CHRM3: variants seen among roughly 807,000 people sequenced by gnomAD.
The protein encoded by CHRM3 is cholinergic receptor muscarinic 3, also known as muscarinic acetylcholine receptor M3.
A neutral mutation model predicts 41.8 loss-of-function variants in CHRM3; 11 were observed. The ratio of observed to expected loss-of-function variants is 0.26; its 90% confidence interval spans 0.17 to 0.44. CHRM3 has a LOEUF of 0.44. Ranked by LOEUF, CHRM3 falls within the 20% of genes least tolerant of loss-of-function variation. CHRM3 has a pLI of 1.00. For synonymous variants in CHRM3, 297 were observed against 301.4 expected, an observed-to-expected ratio of 0.99 and a Z score of 0.15; for missense variants, 571 against 745.4, an observed-to-expected ratio of 0.77 and a Z score of 2.72.
At chr1:239,638,466 G>T (rs1181476947) in intron 4 of CHRM3, among the ~76,000 whole-genome samples, 3 of 152,150 alleles carry the variant, frequency 2.0e-5, no homozygotes, top group African/African-American at 4.8e-5. Flanking sequence ...TAACTGGTGT[G>T]AGATGTTATC....
chr1:239,779,874 T>A (rs1447448021), intron 5 of CHRM3, among the ~76,000 whole-genome samples: 2 of 152,232 alleles, frequency 1.3e-5, no homozygotes, highest in Non-Finnish European at 2.9e-5. Flanking sequence ...GTCATATACT[T>A]GTAATCATGT....
At chr1:239,489,556 G>A (rs1421418958) in intron 1 of CHRM3, among the ~76,000 whole-genome samples, 1 of 152,158 alleles carries the variant, frequency 6.6e-6, no homozygotes, top group Non-Finnish European at 1.5e-5. Flanking sequence ...GCATGAGTTA[G>A]GTAGAGGAAC....
At chr1:239,756,066 C>T (rs1051626144) in intron 5 of CHRM3, among the ~76,000 whole-genome samples, 30 of 152,148 alleles carry the variant, frequency 2.0e-4, no homozygotes, top group African/African-American at 7.0e-4. Flanking sequence ...TCTCTAGTTT[C>T]CTAAGCTTCC....
chr1:239,565,847 T>C (rs1661307807), intron 3 of CHRM3, among the ~76,000 whole-genome samples: 1 of 151,830 alleles, frequency 6.6e-6, no homozygotes, highest in Admixed American at 6.6e-5. Context: ...TATATGTTAA[T>C]ATATGTTAAA....
In CHRM3 at chr1:239,706,160, ATATAT is replaced by A. The variant is rs761420940; in HGVS notation, c.-147+27878_-147+27882del. 5.9e-4 allele frequency among the ~76,000 whole-genome samples: 89 copies of A among 149,644 alleles called. No homozygotes were observed. In the East Asian group the frequency reaches 0.013, roughly 22 times the overall value. ...TAAATTATAATAAATACAAACTAAC[ATATAT>A]TATATATAGTGAATATGCAATAAAA... On this transcript the variant is annotated intron_variant, in intron 5 of 6. Coordinates refer to ENST00000676153, the MANE Select transcript of CHRM3 (RefSeq NM_001375978.1).
chr1:239,850,186 A>G (rs1372734593), intron 6 of CHRM3, among the ~76,000 whole-genome samples: 1 of 152,212 alleles, frequency 6.6e-6, no homozygotes, highest in Non-Finnish European at 1.5e-5. Flanking sequence ...TATGTATTAT[A>G]TACTGTATTC....
intron 2 of CHRM3, among the ~76,000 whole-genome samples, chr1:239,497,271 T>A (rs1447401849): frequency 6.6e-6 from 1 of 152,176 alleles, no homozygotes; most frequent in East Asian, 1.9e-4. Flanking sequence ...TCAAGCTTAA[T>A]TGGCTTTGGA....
chr1:239,610,780 G>A (rs527906278), intron 3 of CHRM3, among the ~76,000 whole-genome samples: 5 of 152,262 alleles, frequency 3.3e-5, no homozygotes, highest in East Asian at 1.9e-4. Flanking sequence ...TAGGCCAGGC[G>A]CTGTGGCTCA....
intron 1 of CHRM3, among the ~76,000 whole-genome samples, chr1:239,406,710 C>A (rs895627334): frequency 6.6e-6 from 1 of 152,176 alleles, no homozygotes; most frequent in Admixed American, 6.5e-5. Context: ...CCCACTGACC[C>A]TTTACATTTC....
At chr1:239,524,218 T>G (rs1669845533) in intron 2 of CHRM3, among the ~76,000 whole-genome samples, 1 of 152,154 alleles carries the variant, frequency 6.6e-6, no homozygotes. Flanking sequence ...TTATTTGCCT[T>G]TTTAGTTTTT....
At chr1:239,552,987 C>A (rs111971861) in intron 3 of CHRM3, among the ~76,000 whole-genome samples, 1 of 152,024 alleles carries the variant, frequency 6.6e-6, no homozygotes, top group African/African-American at 2.4e-5. Context: ...GCCACCATAC[C>A]CTCAGCTAGT....
chr1:239,673,979 C>T (rs1453372693), intron 4 of CHRM3, among the ~76,000 whole-genome samples: 2 of 152,114 alleles, frequency 1.3e-5, no homozygotes, highest in South Asian at 2.1e-4. Context: ...ACATGACACT[C>T]GAAGGAAATG....
intron 1 of CHRM3, among the ~76,000 whole-genome samples, chr1:239,476,781 T>C (rs1666499455): frequency 6.6e-6 from 1 of 152,186 alleles, no homozygotes; most frequent in Non-Finnish European, 1.5e-5. Context: ...TCAAATAATA[T>C]GCTCAATGTT....
At chr1:239,565,798 T>C (rs1338914) in intron 3 of CHRM3, among the ~76,000 whole-genome samples, 11,662 of 152,086 alleles carry the variant, frequency 0.077, 744 homozygotes, top group African/African-American at 0.17. Flanking sequence ...ACACCTCTGA[T>C]CTGGTCTTGT....
chr1:239,688,586 CATATA>C (rs1418648256), intron 5 of CHRM3, among the ~76,000 whole-genome samples: 151 of 128,932 alleles, frequency 1.2e-3, no homozygotes, highest in Middle Eastern at 4.9e-3. Flanking sequence ...TATATTACTC[CATATA>C]ATATAATATA....
At chr1:239,679,717 A>C (rs932913125) in intron 5 of CHRM3, among the ~76,000 whole-genome samples, 15 of 152,080 alleles carry the variant, frequency 9.9e-5, no homozygotes, top group African/African-American at 3.6e-4. Flanking sequence ...TAGTTCGTTT[A>C]TTTTATTATT....
chr1:239,422,155 T>C (rs1662004076), intron 1 of CHRM3, among the ~76,000 whole-genome samples: 1 of 152,188 alleles, frequency 6.6e-6, no homozygotes, highest in South Asian at 2.1e-4. Context: ...TTTTACTTCA[T>C]GCAATAACAG....
chr1:239,759,977 C>T (rs746103758), intron 5 of CHRM3, among the ~76,000 whole-genome samples: 16 of 151,982 alleles, frequency 1.1e-4, no homozygotes, highest in Admixed American at 4.6e-4. Flanking sequence ...TGCAGTGGCG[C>T]GATCTAGACT....
chr1:239,823,250 G>A (rs1383738928), intron 5 of CHRM3, among the ~76,000 whole-genome samples: 1 of 152,132 alleles, frequency 6.6e-6, no homozygotes, highest in Admixed American at 6.5e-5. Context: ...AGGAAACTAG[G>A]CTCAGAGTCA....
Sources: gnomAD v4.1 joint callset for allele counts (sites outside exome capture counted in the v4.1 genomes callset) on GRCh38, gnomAD v4.1.1 for gene constraint, MANE v1.5 for transcripts, NCBI Gene and HGNC (gene_info 2026-07-23, HGNC 2026-07-21) for gene names.